Variants in R3HDM2 observed in about 807,000 individuals in gnomAD.
The protein encoded by R3HDM2 is R3H domain-containing protein 2.
R3HDM2 carries 38 observed loss-of-function variants against 124.5 expected under a neutral mutation model. The observed-to-expected ratio is 0.31, with a 90% confidence interval of 0.24 to 0.40. R3HDM2 has a LOEUF of 0.40. R3HDM2 is among the 10% of genes least tolerant of loss of function. The pLI, the probability that R3HDM2 is intolerant of heterozygous loss-of-function variation, is 1.00. For synonymous variants in R3HDM2, 391 were observed against 448.0 expected, an observed-to-expected ratio of 0.87 and a Z score of 1.61; for missense variants, 869 against 1,236.9, an observed-to-expected ratio of 0.70 and a Z score of 4.46.
At chr12:57,357,690 T>C (rs1593841816) in intron 2 of R3HDM2, among the ~76,000 whole-genome samples, 2 of 151,160 alleles carry the variant, frequency 1.3e-5, no homozygotes, top group East Asian at 3.9e-4. Flanking sequence ...ATTTTTGCTC[T>C]GGTCTTTACA....
chr12:57,385,658 A>T (rs2065628971), intron 2 of R3HDM2, among the ~76,000 whole-genome samples: 1 of 151,190 alleles, frequency 6.6e-6, no homozygotes, highest in South Asian at 2.1e-4. Context: ...TGAGCCCTGC[A>T]CTCCAGCCTG....
At chr12:57,420,201 A>G (rs1218402323) in intron 1 of R3HDM2, among the ~76,000 whole-genome samples, 1 of 152,128 alleles carries the variant, frequency 6.6e-6, no homozygotes, top group African/African-American at 2.4e-5. Context: ...TCTCCTGTAT[A>G]TATAAATATG....
chr12:57,371,083 C>CTTTTTTTTTTTTTTTTTTTTTT (rs775839017), intron 2 of R3HDM2, among the ~76,000 whole-genome samples: 3 of 40,886 alleles, frequency 7.3e-5, no homozygotes, highest in African/African-American at 2.6e-4. Context: ...TATACCATTA[C>CTTTTTTTTTTTTTTTTTTTTTT]TTTTTTTTTT....
chr12:57,340,483 T>A (rs1447626573), intron 2 of R3HDM2, among the ~76,000 whole-genome samples: 1 of 152,194 alleles, frequency 6.6e-6, no homozygotes, highest in Admixed American at 6.6e-5. Flanking sequence ...TGCCCTAGGA[T>A]TATCTTCCTT....
intron 2 of R3HDM2, among the ~76,000 whole-genome samples, chr12:57,355,707 C>G (rs904372537): frequency 1.3e-5 from 2 of 152,050 alleles, no homozygotes; most frequent in African/African-American, 4.8e-5. Context: ...ATTTTGTCAA[C>G]TGGAATTGTA....
chr12:57,412,311 G>GC (rs980821596), intron 1 of R3HDM2, among the ~76,000 whole-genome samples: 3 of 151,718 alleles, frequency 2.0e-5, no homozygotes, highest in Non-Finnish European at 4.4e-5. Context: ...GGAGGCCAAG[G>GC]GGGGCGAATC....
chr12:57,368,334 C>A (rs926472007), intron 2 of R3HDM2, among the ~76,000 whole-genome samples: 1 of 152,186 alleles, frequency 6.6e-6, no homozygotes, highest in Non-Finnish European at 1.5e-5. Flanking sequence ...TCAACTAGCA[C>A]GGTATGTAGT....
intron 4 of R3HDM2, 27 bp downstream of exon 4, chr12:57,303,148 GA>G (rs1168188202): frequency 8.8e-6 from 13 of 1,478,512 alleles, no homozygotes; most frequent in Middle Eastern, 1.7e-4. Flanking sequence ...AATAACATTA[GA>G]AAAGAAGCTA....
chr12:57,401,078 G>A (rs2067999322), intron 1 of R3HDM2, among the ~76,000 whole-genome samples: 1 of 151,406 alleles, frequency 6.6e-6, no homozygotes, highest in Non-Finnish European at 1.5e-5. Context: ...GAATGAAAGA[G>A]AGAAAGGGAA....
At chr12:57,367,685 C>G (rs1038711729) in intron 2 of R3HDM2, among the ~76,000 whole-genome samples, 2 of 152,216 alleles carry the variant, frequency 1.3e-5, no homozygotes, top group Non-Finnish European at 2.9e-5. Context: ...TTCTATGCTA[C>G]TCTTTGTCCA....
chr12:57,282,752 A>G (rs1021511054), intron 13 of R3HDM2, among the ~76,000 whole-genome samples: 8 of 152,140 alleles, frequency 5.3e-5, no homozygotes, highest in Admixed American at 5.2e-4. Context: ...AAGAAAATAA[A>G]AGTGTGGATA....
At chr12:57,327,932 A>AT (rs768632616) in intron 2 of R3HDM2, among the ~76,000 whole-genome samples, 3 of 152,222 alleles carry the variant, frequency 2.0e-5, no homozygotes, top group Non-Finnish European at 4.4e-5. Flanking sequence ...AACTAAGTTG[A>AT]TAAAGCAGTG....
intron 1 of R3HDM2, 142 bp downstream of exon 1, chr12:57,430,578 T>C: frequency 2.0e-6 from 2 of 983,526 alleles, no homozygotes; most frequent in African/African-American, 1.8e-5. Context: ...CATCCGACCC[T>C]GACCCATCGT....
chr12:57,355,834 T>C (rs2061230402), intron 2 of R3HDM2, among the ~76,000 whole-genome samples: 1 of 152,200 alleles, frequency 6.6e-6, no homozygotes, highest in Admixed American at 6.5e-5. Flanking sequence ...CCCTGAGTAT[T>C]TCATATTTTT....
chr12:57,307,881 G>A (rs569490674), intron 3 of R3HDM2, among the ~76,000 whole-genome samples: 1 of 152,046 alleles, frequency 6.6e-6, no homozygotes, highest in East Asian at 1.9e-4. Flanking sequence ...CTGCTCCATA[G>A]GATCCAGGGA....
At chr12:57,262,059 G>A (rs1411189030) in intron 19 of R3HDM2, among the ~76,000 whole-genome samples, 1 of 152,054 alleles carries the variant, frequency 6.6e-6, no homozygotes, top group Non-Finnish European at 1.5e-5. Flanking sequence ...AAATCACTGA[G>A]GTAGAAGACT....
chr12:57,373,088 G>C (rs1384400594), intron 2 of R3HDM2, among the ~76,000 whole-genome samples: 2 of 152,186 alleles, frequency 1.3e-5, no homozygotes, highest in Non-Finnish European at 2.9e-5. Context: ...TGTAGTCCTA[G>C]CTACTTGGGA....
chr12:57,427,054 AG>A (rs776483540), intron 1 of R3HDM2, among the ~76,000 whole-genome samples: 3 of 152,196 alleles, frequency 2.0e-5, no homozygotes, highest in Non-Finnish European at 2.9e-5. Flanking sequence ...GCACTTTGGG[AG>A]GCCGAGGCAG....
chr12:57,415,221 T>C (rs759313737), intron 1 of R3HDM2: 1 of 152,110 alleles, frequency 6.6e-6, no homozygotes, highest in Non-Finnish European at 1.5e-5. Flanking sequence ...AAAGCTCTTC[T>C]CTTTAGAACA....
Sources: allele counts gnomAD v4.1 joint callset (sites outside exome capture counted in the v4.1 genomes callset), GRCh38; gene constraint gnomAD v4.1.1; transcripts MANE v1.5; gene names NCBI Gene and HGNC (gene_info 2026-07-23, HGNC 2026-07-21).